OAS2: variants seen among roughly 807,000 people sequenced by gnomAD.
OAS2 encodes the protein 2'-5'-oligoadenylate synthetase 2.
OAS2 carries 67 observed loss-of-function variants against 71.3 expected under a neutral mutation model. That is an observed-to-expected ratio of 0.94 (90% CI 0.77 to 1.15). The LOEUF is 1.15. OAS2 is among the 50% of genes most tolerant of loss of function. OAS2 has a pLI of 0.00. For missense variants in OAS2, 789 were observed against 822.5 expected (o/e 0.96, Z 0.50); for synonymous variants, 327 against 321.8 (o/e 1.02, Z -0.17).
chr12:113,004,887 T>A (rs1191334132), intron 6 of OAS2, 47 bp from the exon 7 acceptor site: 1 of 1,598,714 alleles, frequency 6.3e-7, no homozygotes, highest in Non-Finnish European at 8.5e-7. Context: ...GGCACGGGAC[T>A]CCTCGGTTAA....
At chr12:112,986,270 G>A (rs2044134205) in intron 1 of OAS2, among the ~76,000 whole-genome samples, 1 of 152,174 alleles carries the variant, frequency 6.6e-6, no homozygotes, top group Non-Finnish European at 1.5e-5. Context: ...GGCAGTGTAT[G>A]TGGGTGTCAA....
intron 6 of OAS2, 146 bp downstream of exon 6, chr12:113,003,248 A>G (rs909434474): frequency 1.5e-5 from 12 of 809,200 alleles, no homozygotes; most frequent in East Asian, 2.5e-5. Context: ...GGGAACTAGG[A>G]CACTAGTTTT....
intron 1 of OAS2, among the ~76,000 whole-genome samples, chr12:112,984,323 CCTT>C (rs1565989487): frequency 2.0e-5 from 3 of 152,008 alleles, no homozygotes; most frequent in African/African-American, 7.2e-5. Flanking sequence ...TATAAAATGA[CCTT>C]CTTTGTCTCT....
chr12:112,998,209 G>A, intron 4 of OAS2, 57 bp from the exon 5 acceptor site: 1 of 1,579,808 alleles, frequency 6.3e-7, no homozygotes, highest in Non-Finnish European at 8.6e-7. Context: ...CCCCAAAACA[G>A]ATTTTGCCTC....
At chr12:112,991,111 C>T (rs761249289) in intron 2 of OAS2, among the ~76,000 whole-genome samples, 6 of 152,212 alleles carry the variant, frequency 3.9e-5, no homozygotes, top group Non-Finnish European at 8.8e-5. Flanking sequence ...TCTGGCCTTC[C>T]CTGAGCTCCT....
At chr12:113,002,878 C>G in intron 5 of OAS2, 54 bp from the exon 6 acceptor site, 1 of 1,561,920 alleles carries the variant, frequency 6.4e-7, no homozygotes, top group Non-Finnish European at 8.8e-7. Flanking sequence ...GAAAAGAAGC[C>G]TTGGGTGGGC....
intron 1 of OAS2, among the ~76,000 whole-genome samples, chr12:112,980,118 T>A (rs1036537977): frequency 1.3e-5 from 2 of 152,182 alleles, no homozygotes; most frequent in Non-Finnish European, 2.9e-5. Flanking sequence ...TTCTACTGTG[T>A]TTTTTTATTT....
At chr12:112,987,730 A>G in intron 2 of OAS2, 1 of 1,022,416 alleles carries the variant, frequency 9.8e-7, no homozygotes. Context: ...TTAGAGTAAG[A>G]GGATGAGGCA....
chr12:112,988,706 G>A (rs548868256), intron 2 of OAS2: 9 of 985,358 alleles, frequency 9.1e-6, no homozygotes, highest in South Asian at 9.4e-5. Flanking sequence ...TCTTATCAAC[G>A]AAGACACTAA....
chr12:113,009,107 C>G lies in OAS2; in HGVS notation c.1916C>G (p.Ala639Gly), dbSNP rs942139128. Residue 639 changes from alanine to glycine, a missense_variant, in exon 10 of 10, where the codon GCC becomes GGC. Physicochemically the swap from Ala to Gly is moderately conservative, Grantham distance 60. Coordinates refer to ENST00000392583, the MANE Select transcript of OAS2 (RefSeq NM_002535.3). ...TTCAGGCCTGTGATCTTGGACCCAG[C>G]CGAACCCACAGGTGACGTGGGTGGA... Reference protein sequence around the residue: ...QKTRPVILDPAEPTGDVGGGD... With the variant: ...QKTRPVILDPGEPTGDVGGGD... The G allele has an allele frequency of 6.2e-7, 1 of 1,613,508 alleles. No homozygotes were observed. The highest frequency in any genetic ancestry group is 8.5e-7 in the Non-Finnish European group (1 of 1,179,878).
Position 113,009,238 on chromosome 12 carries a change from C to A in OAS2, c.2047C>A (p.Pro683Thr). The A allele has an allele frequency of 1.9e-6, 3 of 1,613,796 alleles. No individual in the cohort carries two copies. Among genetic ancestry groups the A allele is most frequent in the Non-Finnish European group, 2.5e-6 (3 of 1,179,828 alleles). The change falls in exon 10 of 10, where the codon CCG (proline) becomes ACG (threonine). Residue 683 changes from proline (P) to threonine (T), a missense_variant. Transcript: ENST00000392583. ...TGNPIPPWKV[P>T]VKVI ...AAACCCAATACCACCTTGGAAAGTGCCGGTAAAAGTCATCTAAAGGAGGCG... is the reference window on the plus strand; with the variant it reads ...AAACCCAATACCACCTTGGAAAGTGACGGTAAAAGTCATCTAAAGGAGGCG...
At chr12:113,003,359 T>C (rs2044305993) in intron 6 of OAS2, among the ~76,000 whole-genome samples, 2 of 152,190 alleles carry the variant, frequency 1.3e-5, no homozygotes, top group Admixed American at 1.3e-4. Context: ...CTCTTGGGCC[T>C]GGAGACACAT....
chr12:112,979,400 C>G (rs2044058720), intron 1 of OAS2, among the ~76,000 whole-genome samples: 3 of 152,142 alleles, frequency 2.0e-5, no homozygotes, highest in Admixed American at 1.3e-4. Flanking sequence ...TGCTGACGTC[C>G]CTTCTCTGCT....
At chr12:113,001,354 A>G in intron 5 of OAS2, among the ~76,000 whole-genome samples, 1 of 120,082 alleles carries the variant, frequency 8.3e-6, no homozygotes, top group Non-Finnish European at 1.6e-5. Flanking sequence ...ACCAAAAAAT[A>G]TATATATACA....
chr12:112,999,300 AG>A (rs1330520396), intron 5 of OAS2, among the ~76,000 whole-genome samples: 3 of 152,374 alleles, frequency 2.0e-5, no homozygotes, highest in African/African-American at 7.2e-5. Flanking sequence ...CTGCATGCTC[AG>A]TGCTTATTAG....
At chr12:112,984,411 T>A (rs1225970024) in intron 1 of OAS2, among the ~76,000 whole-genome samples, 1 of 152,254 alleles carries the variant, frequency 6.6e-6, no homozygotes. Context: ...GGTTTCCATT[T>A]GTGTGGAATA....
intron 2 of OAS2, among the ~76,000 whole-genome samples, chr12:112,994,175 C>T (rs1486469224): frequency 2.0e-5 from 3 of 152,146 alleles, no homozygotes; most frequent in Non-Finnish European, 2.9e-5. Context: ...CCTCCTTACC[C>T]CTCCCTAATT....
Position 112,998,253 on chromosome 12 carries a change from AT to A in OAS2, c.864-12del, listed in dbSNP as rs765243330. ...AGCTCAACTGACTTTTTTTAATCTAATGGAATACACAGGCCAGTAATCTTGG... is the reference window on the plus strand; with the variant it reads ...AGCTCAACTGACTTTTTTTAATCTAAGGAATACACAGGCCAGTAATCTTGG... On this transcript the variant is annotated splice_polypyrimidine_tract_variant and intron_variant, in intron 4 of 9. Transcript: ENST00000392583. 6.2e-6 allele frequency: 10 copies of A among 1,607,462 alleles called. No homozygotes were observed. In the East Asian group the frequency reaches 6.8e-5, roughly 11 times the overall value.
intron 5 of OAS2, among the ~76,000 whole-genome samples, chr12:112,999,752 G>A (rs2044267522): frequency 1.3e-5 from 2 of 152,094 alleles, no homozygotes; most frequent in African/African-American, 4.8e-5. Flanking sequence ...CCCCCGACCT[G>A]ACATCTTATT....
Sources: gnomAD v4.1 joint callset for allele counts (sites outside exome capture counted in the v4.1 genomes callset) on GRCh38, gnomAD v4.1.1 for gene constraint, MANE v1.5 for transcripts, NCBI Gene and HGNC (gene_info 2026-07-23, HGNC 2026-07-21) for gene names.